The following OAS2 variants were observed in gnomAD, a reference collection of about 807,000 sequenced individuals.
OAS2 encodes 2'-5'-oligoadenylate synthetase 2.
OAS2 carries 67 observed loss-of-function variants against 71.3 expected under a neutral mutation model. That is an observed-to-expected ratio of 0.94 (90% CI 0.77 to 1.15). The LOEUF is 1.15. OAS2 is among the 50% of genes most tolerant of loss of function. The pLI is 0.00. For missense variants in OAS2, 789 were observed against 822.5 expected, an observed-to-expected ratio of 0.96 and a Z score of 0.50; for synonymous variants, 327 against 321.8, an observed-to-expected ratio of 1.02 and a Z score of -0.17.
chr12:112,981,120 C>A (rs1032520444), intron 1 of OAS2, among the ~76,000 whole-genome samples: 3 of 152,118 alleles, frequency 2.0e-5, no homozygotes, highest in African/African-American at 7.2e-5. Flanking sequence ...GGATATTAAA[C>A]CCTTGTTGGA....
chr12:112,988,729 C>A, intron 2 of OAS2: 1 of 985,404 alleles, frequency 1.0e-6, no homozygotes, highest in African/African-American at 1.7e-5. Flanking sequence ...AAGAATGGCG[C>A]ATTCCTCCTT....
chr12:112,995,167 C>A, intron 2 of OAS2, 129 bp from the exon 3 acceptor site: 1 of 750,026 alleles, frequency 1.3e-6, no homozygotes, highest in Non-Finnish European at 2.2e-6. Flanking sequence ...GTAAAGGTAC[C>A]TGTCCTCTGA....
intron 2 of OAS2, chr12:112,987,762 T>G (rs2136379904): frequency 1.0e-6 from 1 of 998,594 alleles, no homozygotes; most frequent in East Asian, 1.1e-4. Context: ...AAAGTCCAGC[T>G]GGGGCAAGCA....
At chr12:112,988,891 G>A (rs150709471) in intron 2 of OAS2, 12 of 239,874 alleles carry the variant, frequency 5.0e-5, no homozygotes, top group East Asian at 3.6e-4. Context: ...TTCCAGCAAC[G>A]CTATCACCTG....
chr12:112,999,901 C>T (rs1293753), intron 5 of OAS2, among the ~76,000 whole-genome samples: 121,226 of 152,208 alleles, frequency 0.8, 49,309 homozygotes, highest in East Asian at 1. Context: ...GTTGTTGTTA[C>T]AGTTGTTTTT....
At chr12:112,981,045 G>C (rs1298962) in intron 1 of OAS2, among the ~76,000 whole-genome samples, 116,243 of 152,114 alleles carry the variant, frequency 0.76, 45,070 homozygotes, top group East Asian at 0.91. Flanking sequence ...AGGCCCTTTG[G>C]CTGCTTTTTA....
chr12:112,987,971 A>G, intron 2 of OAS2: 1 of 985,456 alleles, frequency 1.0e-6, no homozygotes, highest in Non-Finnish European at 1.2e-6. Flanking sequence ...TTCTGGTTTA[A>G]TAAAAGATGG....
chr12:113,009,221 T>C lies in OAS2; in HGVS notation c.2030T>C (p.Ile677Thr), dbSNP rs2044359968. 1.9e-6 allele frequency: 3 copies of C among 1,614,080 alleles called. No individual in the cohort carries two copies. The highest frequency in any genetic ancestry group is 2.5e-6 in the Non-Finnish European group (3 of 1,179,960). Residue 677 changes from isoleucine to threonine, a missense_variant, in exon 10 of 10, where the codon ATA becomes ACA. Ile to Thr is a moderately conservative substitution (Grantham distance 89). Coordinates refer to ENST00000392583, the MANE Select transcript of OAS2 (RefSeq NM_002535.3). ...PCFKDGTGNP[I>T]PPWKVPVKVI ...TTCAAGGATGGGACTGGAAACCCAA[T>C]ACCACCTTGGAAAGTGCCGGTAAAA...
rs1415040011 is a variant in OAS2 at position 112,987,034 on chromosome 12, G to A, written c.178-4G>A. ...TCTCATATCTGCTTCTTTGTCACTG[G>A]CAGGGTGGCTCCTATGGACGGAAAA... is the stretch of plus-strand genomic sequence containing the variant. On this transcript the variant is annotated splice_polypyrimidine_tract_variant and splice_region_variant and intron_variant, in intron 1 of 9. Transcript: ENST00000392583. 6.2e-7 allele frequency: 1 copy of A among 1,601,934 alleles called. No individual in the cohort carries two copies. The highest frequency in any genetic ancestry group is 2.2e-5 in the East Asian group (1 of 44,592).
intron 3 of OAS2, among the ~76,000 whole-genome samples, chr12:112,997,308 G>A (rs1271091695): frequency 6.6e-6 from 1 of 152,054 alleles, no homozygotes; most frequent in African/African-American, 2.4e-5. Flanking sequence ...GATGGGAGCA[G>A]TGGGTGGCCT....
Position 112,998,296 on chromosome 12 carries a change from C to T in OAS2, c.894C>T (p.Thr298=), listed in dbSNP as rs531540281. 2 of 1,612,468 alleles carry T rather than the reference C, an allele frequency of 1.2e-6. No individual in the cohort carries two copies. The highest frequency in any genetic ancestry group is 1.7e-6 in the Non-Finnish European group (2 of 1,179,436). ...RPVILDPVDP[T]NNVSGDKICW... is the part of the protein sequence containing the mutation. ...TAATCTTGGATCCAGTTGACCCAAC[C>T]AATAATGTGAGTGGAGATAAAATAT... is the stretch of plus-strand genomic sequence containing the variant. Residue 298 remains threonine (T), a synonymous_variant, in exon 5 of 10, where the codon ACC becomes ACT. Transcript: ENST00000392583.
chr12:112,998,564 T>A (rs1172029489), intron 5 of OAS2, among the ~76,000 whole-genome samples, 154 bp downstream of exon 5: 1 of 152,220 alleles, frequency 6.6e-6, no homozygotes, highest in Non-Finnish European at 1.5e-5. Flanking sequence ...CAGAAATTTA[T>A]TCTCTTACCA....
rs2044366865 is a variant in OAS2, at chr12:113,010,085, T to G, written c.*830T>G. Reference sequence around the variant, plus strand: ...GTAGATGCCACCCAGTTGTGACAATTAAAAGTGTCTTGAGACTTTATCATG... The same window carrying G: ...GTAGATGCCACCCAGTTGTGACAATGAAAAGTGTCTTGAGACTTTATCATG... On this transcript the variant is annotated 3_prime_UTR_variant, in exon 10 of 10. Transcript: ENST00000392583. 9.3e-7 allele frequency: 1 copy of G among 1,078,498 alleles called. No individual in the cohort carries two copies. Among genetic ancestry groups the G allele is most frequent in the Non-Finnish European group, 1.1e-6 (1 of 889,418 alleles). 66.8% of individuals were successfully genotyped at this position (1,078,498 alleles called of 1,614,324 possible).
intron 2 of OAS2, among the ~76,000 whole-genome samples, chr12:112,993,225 T>C (rs188638300): frequency 6.5e-4 from 99 of 152,314 alleles, no homozygotes; most frequent in African/African-American, 2.3e-3. Flanking sequence ...CAATTCTGCA[T>C]CTCTTTCCAC....
At chr12:112,994,296 C>G (rs1226958993) in intron 2 of OAS2, among the ~76,000 whole-genome samples, 3 of 152,214 alleles carry the variant, frequency 2.0e-5, no homozygotes, top group Admixed American at 2.0e-4. Flanking sequence ...GCTGCAGCAC[C>G]TGATTAAAGC....
chr12:112,995,303 T>C lies in OAS2; in HGVS notation c.456T>C (p.Asn152=). ...ATTTCTGTTTCACATCAGGCTTAAA[T>C]GATAATCCCAGCCCCTGGATCTATC... ...VLAAFNALSL[N]DNPSPWIYRE... Residue 152 remains asparagine, a synonymous_variant, in exon 3 of 10, where the codon AAT becomes AAC. Coordinates refer to ENST00000392583, the MANE Select transcript of OAS2 (RefSeq NM_002535.3). The C allele has an allele frequency of 6.2e-7, 1 of 1,604,654 alleles. No individual in the cohort carries two copies. The highest frequency in any genetic ancestry group is 8.5e-7 in the Non-Finnish European group (1 of 1,177,072).
At chr12:112,997,468 A>G (rs911841170) in intron 3 of OAS2, 52 bp from the exon 4 acceptor site, 4 of 1,473,302 alleles carry the variant, frequency 2.7e-6, no homozygotes, top group Non-Finnish European at 3.7e-6. Flanking sequence ...GATCCCTGAC[A>G]TGGTAAGAAC....
intron 1 of OAS2, among the ~76,000 whole-genome samples, chr12:112,982,286 A>G (rs1222822025): frequency 6.6e-6 from 1 of 152,140 alleles, no homozygotes; most frequent in Non-Finnish European, 1.5e-5. Context: ...TTCCCAATTC[A>G]GTATGATGTT....
intron 6 of OAS2, 130 bp from the exon 7 acceptor site, chr12:113,004,804 C>T: frequency 1.3e-6 from 1 of 781,214 alleles, no homozygotes; most frequent in Non-Finnish European, 2.1e-6. Flanking sequence ...TGGACTCAGC[C>T]CTCACTGAAC....
Sources: gnomAD v4.1 joint callset for allele counts (sites outside exome capture counted in the v4.1 genomes callset) on GRCh38, gnomAD v4.1.1 for gene constraint, MANE v1.5 for transcripts, NCBI Gene and HGNC (gene_info 2026-07-23, HGNC 2026-07-21) for gene names.